The following PCDHGA2 variants were observed in gnomAD, a reference collection of about 807,000 sequenced individuals.
The protein encoded by PCDHGA2 is protocadherin gamma-A2.
A neutral mutation model predicts 59.2 loss-of-function variants in PCDHGA2; 40 were observed. The ratio of observed to expected loss-of-function variants is 0.68; its 90% CI spans 0.52 to 0.88. The LOEUF (loss-of-function observed/expected upper bound fraction) is 0.88. Ranked by LOEUF, PCDHGA2 falls within the 40% of genes least tolerant of loss-of-function variation. The pLI, the probability that PCDHGA2 is intolerant of heterozygous loss-of-function variation, is 0.00. For synonymous variants in PCDHGA2, 560 were observed against 526.0 expected (o/e 1.06, Z -0.89); for missense variants, 1,226 against 1,204.0 (o/e 1.02, Z -0.27).
In PCDHGA2 at chr5:141,404,506, C is replaced by T. The variant is rs530963064; in HGVS notation, c.2424+63111C>T. The stretch of plus-strand genomic sequence containing the variant: ...ACACTGGTGTGCTGTATGCTCTGTG[C>T]TCCTTTGACTATGAGCAGTTTAGAG... On this transcript the variant is annotated intron_variant, in intron 1 of 3. Coordinates refer to ENST00000394576, the MANE Select transcript of PCDHGA2 (RefSeq NM_018915.4). 540 of 1,613,932 alleles carry T rather than the reference C, an allele frequency of 3.3e-4. 6 individuals are homozygous for T. In the South Asian group the frequency reaches 5.6e-3, roughly 17 times the overall value.
intron 1 of PCDHGA2, chr5:141,421,895 GA>G: frequency 6.2e-7 from 1 of 1,613,730 alleles, no homozygotes; most frequent in African/African-American, 1.3e-5. Flanking sequence ...GATCCCATCC[GA>G]AAGGGCGCAG....
At chr5:141,374,252 C>T in intron 1 of PCDHGA2, 6 of 1,613,982 alleles carry the variant, frequency 3.7e-6, no homozygotes, top group Non-Finnish European at 5.1e-6. Context: ...ACTGGAGCCC[C>T]AGGAGTTGGC....
At chr5:141,343,882 C>G (rs887650082) in intron 1 of PCDHGA2, 27 of 637,620 alleles carry the variant, frequency 4.2e-5, no homozygotes, top group Middle Eastern at 4.5e-4. Context: ...CTCAGAAGAT[C>G]CGGGGCGGCT....
intron 1 of PCDHGA2, chr5:141,374,688 G>A (rs750510871): frequency 3.1e-6 from 5 of 1,609,528 alleles, no homozygotes; most frequent in East Asian, 2.2e-5. Context: ...ACACTGGACC[G>A]GGAAGGAGAA....
In PCDHGA2 at chr5:141,432,916, G is replaced by C; in HGVS notation, c.2425-61891G>C. ...TGCTGGCGCTCAGGCTGCGGCGCTG[G>C]CACAAGTCACGCCTGCTGCAGGCTT... On this transcript the variant is annotated intron_variant, in intron 1 of 3. Coordinates refer to ENST00000394576, the MANE Select transcript of PCDHGA2 (RefSeq NM_018915.4). The surrounding 1 kb of genome is among the most constrained non-coding windows in gnomAD (Gnocchi z 6.0). 1 of 1,614,196 alleles carries C rather than the reference G, an allele frequency of 6.2e-7. No homozygotes were observed. The highest frequency in any genetic ancestry group is 8.5e-7 in the Non-Finnish European group (1 of 1,180,040).
intron 1 of PCDHGA2, chr5:141,408,804 A>G (rs577658697): frequency 1.9e-6 from 3 of 1,613,264 alleles, no homozygotes; most frequent in African/African-American, 2.7e-5. Context: ...AAACTCCTAG[A>G]CCGGGAAGAA....
At chr5:141,389,111 C>T (rs752785695) in intron 1 of PCDHGA2, 4 of 1,614,008 alleles carry the variant, frequency 2.5e-6, no homozygotes, top group South Asian at 1.1e-5. Flanking sequence ...CTGTTCTAGA[C>T]CGCGAGCAGA....
intron 1 of PCDHGA2, among the ~76,000 whole-genome samples, chr5:141,450,829 ATTT>A (rs373424450): frequency 7.4e-6 from 1 of 135,126 alleles, no homozygotes; most frequent in African/African-American, 2.7e-5. Flanking sequence ...TATTATTATT[ATTT>A]TTTTTTTTTT....
chr5:141,481,856 G>A (rs1402368786), intron 1 of PCDHGA2, among the ~76,000 whole-genome samples: 1 of 149,156 alleles, frequency 6.7e-6, no homozygotes, highest in Admixed American at 6.8e-5. Flanking sequence ...GGAGGTTGCA[G>A]TGAGCCGAGA....
At chr5:141,404,326 A>G in intron 1 of PCDHGA2, 2 of 1,613,904 alleles carry the variant, frequency 1.2e-6, no homozygotes, top group Non-Finnish European at 1.7e-6. Context: ...CCTCCTACTC[A>G]GTCTACCTCC....
intron 1 of PCDHGA2, among the ~76,000 whole-genome samples, chr5:141,473,946 G>A (rs1399816546): frequency 6.6e-6 from 1 of 152,170 alleles, no homozygotes; most frequent in African/African-American, 2.4e-5. Context: ...GCTCAGGCCT[G>A]TAGTCCCATC....
At chr5:141,460,438 T>A (rs1035541143) in intron 1 of PCDHGA2, among the ~76,000 whole-genome samples, 16 of 152,172 alleles carry the variant, frequency 1.1e-4, no homozygotes, top group African/African-American at 3.1e-4. Flanking sequence ...TGGTGTGAGG[T>A]AACAATGAAG....
intron 1 of PCDHGA2, among the ~76,000 whole-genome samples, chr5:141,445,007 G>A (rs771023003): frequency 1.5e-4 from 23 of 151,994 alleles, no homozygotes; most frequent in Non-Finnish European, 2.4e-4. Flanking sequence ...ATTTAATTAG[G>A]TCTTTAATTT....
intron 1 of PCDHGA2, chr5:141,361,756 G>A (rs1588567192): frequency 6.2e-7 from 1 of 1,613,066 alleles, no homozygotes; most frequent in Non-Finnish European, 8.5e-7. Flanking sequence ...GGGCTCGCCC[G>A]CGCTCAGCGC....
intron 1 of PCDHGA2, chr5:141,404,898 A>G (rs760424169): frequency 1.9e-6 from 3 of 1,613,714 alleles, no homozygotes; most frequent in Non-Finnish European, 2.5e-6. Context: ...GTACAGGACC[A>G]TGGCCAGCCC....
chr5:141,377,571 G>A (rs1188090213), intron 1 of PCDHGA2: 1 of 151,658 alleles, frequency 6.6e-6, no homozygotes, highest in African/African-American at 2.4e-5. Context: ...ACCCTAGCCT[G>A]GGAGACAGAA....
At chr5:141,415,740 G>GTTTTTTTTTTTTTTTTTTTTTTTTTTT (rs57426385) in intron 1 of PCDHGA2, 4 of 625,042 alleles carry the variant, frequency 6.4e-6, no homozygotes, top group Non-Finnish European at 6.4e-6. Flanking sequence ...GTTTATTAAG[G>GTTTTTTTTTTTTTTTTTTTTTTTTTTT]TTTTTTTTTT....
chr5:141,482,530 C>CAAAAAAAAAAAAAAAAA (rs3074545), intron 1 of PCDHGA2, among the ~76,000 whole-genome samples: 1 of 76,562 alleles, frequency 1.3e-5, no homozygotes, highest in African/African-American at 4.8e-5. Flanking sequence ...GACAGACATG[C>CAAAAAAAAAAAAAAAAA]AAAAAAAAAA....
intron 1 of PCDHGA2, chr5:141,356,848 C>G: frequency 6.2e-7 from 1 of 1,614,198 alleles, no homozygotes; most frequent in Non-Finnish European, 8.5e-7. Context: ...GTCACTGAGC[C>G]TCTTTGTGCT....
Sources: gnomAD v4.1 joint callset for allele counts (sites outside exome capture counted in the v4.1 genomes callset) on GRCh38, gnomAD v4.1.1 for gene constraint, Gnocchi (gnomAD v3.1) non-coding constraint, MANE v1.5 for transcripts, NCBI Gene and HGNC (gene_info 2026-07-23, HGNC 2026-07-21) for gene names.